Variants in SLC16A7 observed in about 807,000 individuals in gnomAD.
SLC16A7 encodes the protein solute carrier family 16 member 7.
Under a neutral mutation model 34.9 loss-of-function variants are expected in SLC16A7, and 33 were observed. The ratio of observed to expected loss-of-function variants is 0.94; its 90% CI spans 0.72 to 1.26. The LOEUF (loss-of-function observed/expected upper bound fraction) is 1.26, where lower values mean the gene tolerates loss of function less well. Ranked by LOEUF, SLC16A7 falls within the 50% of genes most tolerant of loss-of-function variation. The pLI, the probability that SLC16A7 is intolerant of heterozygous loss-of-function variation, is 0.00. For missense variants in SLC16A7, 573 were observed against 578.1 expected, an observed-to-expected ratio of 0.99 and a Z score of 0.09; for synonymous variants, 201 against 206.6, an observed-to-expected ratio of 0.97 and a Z score of 0.23.
chr12:59,671,234 C>T (rs981577146), intron 2 of SLC16A7, among the ~76,000 whole-genome samples: 1 of 152,060 alleles, frequency 6.6e-6, no homozygotes, highest in Non-Finnish European at 1.5e-5. Context: ...CTGAATTAGT[C>T]CTTTTAGAAA....
chr12:59,776,884 A>T (rs1182201268), intron 5 of SLC16A7, among the ~76,000 whole-genome samples: 1 of 152,132 alleles, frequency 6.6e-6, no homozygotes, highest in Non-Finnish European at 1.5e-5. Flanking sequence ...CTTGTTATTT[A>T]TCAGGCAGTT....
chr12:59,640,099 T>C (rs953200753), intron 1 of SLC16A7, among the ~76,000 whole-genome samples: 1 of 152,052 alleles, frequency 6.6e-6, no homozygotes, highest in African/African-American at 2.4e-5. Flanking sequence ...ATGGTGTGGG[T>C]GGGGGTACAC....
chr12:59,746,937 ATCC>A (rs575147673), intron 3 of SLC16A7, among the ~76,000 whole-genome samples: 23 of 152,246 alleles, frequency 1.5e-4, no homozygotes, highest in Non-Finnish European at 2.5e-4. Flanking sequence ...AGCTCAGGCA[ATCC>A]TCCTGCCTCA....
chr12:59,770,374 A>G lies in SLC16A7; in HGVS notation c.218-845A>G, dbSNP rs185026209. Among the ~76,000 whole-genome samples the G allele has an allele frequency of 1.8e-4, 28 of 152,240 alleles. 1 individual carries two copies. Among genetic ancestry groups the G allele is most frequent in the Admixed American group, 1.8e-3 (27 of 15,270 alleles). ...TAACAGAGAGATCCACCATTTTTCC[A>G]GTGATTTCATCTAAAGAGCTACACC... On this transcript the variant is annotated intron_variant, in intron 3 of 5. Transcript: ENST00000547379.
chr12:59,668,676 C>T (rs974396539), intron 2 of SLC16A7, among the ~76,000 whole-genome samples: 1 of 152,090 alleles, frequency 6.6e-6, no homozygotes, highest in Non-Finnish European at 1.5e-5. Context: ...TGAATTAAGA[C>T]TTTGAGGGAT....
intron 2 of SLC16A7, among the ~76,000 whole-genome samples, chr12:59,687,407 A>G (rs956950585): frequency 6.6e-6 from 1 of 152,038 alleles, no homozygotes; most frequent in South Asian, 2.1e-4. Flanking sequence ...CCCCAAATAC[A>G]TTGTGTACAT....
chr12:59,635,112 T>C (rs961139313), intron 1 of SLC16A7, among the ~76,000 whole-genome samples: 11 of 152,076 alleles, frequency 7.2e-5, no homozygotes, highest in African/African-American at 2.4e-4. Context: ...ATGCAGCCAT[T>C]AGCTTTTGCC....
At chr12:59,649,813 G>T (rs920634420) in intron 1 of SLC16A7, among the ~76,000 whole-genome samples, 1 of 152,004 alleles carries the variant, frequency 6.6e-6, no homozygotes, top group Non-Finnish European at 1.5e-5. Flanking sequence ...GCCAGGTGTG[G>T]TGGCGGGCAC....
chr12:59,776,493 A>G (rs1882769082), intron 5 of SLC16A7, among the ~76,000 whole-genome samples: 1 of 152,182 alleles, frequency 6.6e-6, no homozygotes, highest in Non-Finnish European at 1.5e-5. Context: ...TTAATACCGG[A>G]CTTAAGTATT....
chr12:59,643,989 T>G (rs982322), intron 1 of SLC16A7, among the ~76,000 whole-genome samples: 46,931 of 152,048 alleles, frequency 0.31, 9,317 homozygotes, highest in East Asian at 0.66. Context: ...TAAAAAAGCA[T>G]TATCTGTCCT....
intron 3 of SLC16A7, among the ~76,000 whole-genome samples, chr12:59,728,311 C>A (rs1261370977): frequency 3.3e-5 from 5 of 152,174 alleles, no homozygotes; most frequent in Non-Finnish European, 7.4e-5. Context: ...TTAGTGACAT[C>A]CTGGCATCCA....
At chr12:59,772,957 G>C (rs904747937) in intron 4 of SLC16A7, among the ~76,000 whole-genome samples, 7 of 151,982 alleles carry the variant, frequency 4.6e-5, no homozygotes, top group African/African-American at 1.4e-4. Flanking sequence ...ATTTGGAGTA[G>C]ATCAGTTCTA....
chr12:59,666,306 T>C (rs1869202496), intron 2 of SLC16A7, among the ~76,000 whole-genome samples: 1 of 152,200 alleles, frequency 6.6e-6, no homozygotes, highest in South Asian at 2.1e-4. Context: ...AGTTAAGGTA[T>C]AGTTGTTTAG....
At chr12:59,672,575 GCTT>G (rs527523584) in intron 2 of SLC16A7, among the ~76,000 whole-genome samples, 123 of 151,984 alleles carry the variant, frequency 8.1e-4, no homozygotes, top group African/African-American at 2.3e-3. Flanking sequence ...CAATGGAGAT[GCTT>G]CTTCTTCTTG....
rs532282024 is a variant in SLC16A7 at position 59,691,783 on chromosome 12, T to C, written c.-30-12989T>C. Among the ~76,000 whole-genome samples, 11 of 152,200 alleles carry C rather than the reference T, an allele frequency of 7.2e-5. No individual in the cohort carries two copies. In the South Asian group the frequency reaches 2.3e-3, roughly 32 times the overall value. On this transcript the variant is annotated intron_variant, in intron 2 of 5. Transcript: ENST00000547379. ...ATATGATATTAACACTTTTTATGAA[T>C]GTACAATTTATACATTTTCTAATGA... is the stretch of plus-strand genomic sequence containing the variant.
chr12:59,615,288 C>A (rs1018230111), intron 1 of SLC16A7, among the ~76,000 whole-genome samples: 1 of 152,004 alleles, frequency 6.6e-6, no homozygotes, highest in Admixed American at 6.5e-5. Context: ...GCAGCACAAA[C>A]AGACTAAGAG....
chr12:59,661,789 T>C (rs1244790545), intron 2 of SLC16A7, among the ~76,000 whole-genome samples: 2 of 152,126 alleles, frequency 1.3e-5, no homozygotes, highest in Non-Finnish European at 2.9e-5. Context: ...AAAGGAATTA[T>C]TCTATGAAAG....
At chr12:59,616,482 G>A (rs1879454904) in intron 1 of SLC16A7, among the ~76,000 whole-genome samples, 1 of 151,872 alleles carries the variant, frequency 6.6e-6, no homozygotes, top group Non-Finnish European at 1.5e-5. Flanking sequence ...AAATATTTTA[G>A]CTTTTTTAAT....
At chr12:59,733,791 G>A in intron 3 of SLC16A7, 1 of 456,042 alleles carries the variant, frequency 2.2e-6, no homozygotes, top group Non-Finnish European at 4.4e-6. Flanking sequence ...AGGCAGAGAG[G>A]AGCTTCACTG....
Sources: allele counts gnomAD v4.1 joint callset (sites outside exome capture counted in the v4.1 genomes callset), GRCh38; gene constraint gnomAD v4.1.1; transcripts MANE v1.5; gene names NCBI Gene and HGNC (gene_info 2026-07-23, HGNC 2026-07-21).